Variants in HTR4 observed in about 807,000 individuals in gnomAD.
HTR4 encodes the protein 5-hydroxytryptamine receptor 4.
Under a neutral mutation model 36.8 loss-of-function variants are expected in HTR4, and 16 were observed. That is an observed-to-expected ratio of 0.43 (90% CI 0.29 to 0.66). HTR4 has a LOEUF of 0.66. Ranked by LOEUF, HTR4 falls within the 30% of genes least tolerant of loss-of-function variation. The pLI is 0.13. For missense variants in HTR4, 438 were observed against 490.9 expected (o/e 0.89, Z 1.02); for synonymous variants, 189 against 185.1 (o/e 1.02, Z -0.17).
At chr5:148,451,170 G>A (rs201244212) in exon 6 of HTR4, 7 of 1,613,634 alleles carry the variant, frequency 4.3e-6, no homozygotes, top group South Asian at 2.2e-5. Flanking sequence ...GCTAAGTTGT[G>A]AGCCATGTCC....
At chr5:148,596,262 T>C (rs1761767240) in intron 2 of HTR4, among the ~76,000 whole-genome samples, 2 of 152,236 alleles carry the variant, frequency 1.3e-5, no homozygotes, top group East Asian at 3.8e-4. Flanking sequence ...CCAGGAAATC[T>C]ATTTTTACAA....
downstream of HTR4, among the ~76,000 whole-genome samples, chr5:148,474,672 A>C (rs944107057): frequency 2.6e-5 from 4 of 152,164 alleles, no homozygotes; most frequent in Non-Finnish European, 5.9e-5. Flanking sequence ...GTCTCTTTAA[A>C]GTTTGGTGGC....
At chr5:148,624,953 C>T (rs1002129876) in intron 2 of HTR4, among the ~76,000 whole-genome samples, 2 of 152,302 alleles carry the variant, frequency 1.3e-5, no homozygotes, top group East Asian at 3.9e-4. Flanking sequence ...TGTTAAACCA[C>T]TAATTACAAA....
chr5:148,550,021 T>A, intron 3 of HTR4, 116 bp downstream of exon 3: 1 of 1,045,080 alleles, frequency 9.6e-7, no homozygotes, highest in Non-Finnish European at 1.4e-6. Flanking sequence ...AAAATGTTGT[T>A]CCCATGAATG....
intron 2 of HTR4, among the ~76,000 whole-genome samples, chr5:148,620,412 C>T (rs1204081373): frequency 6.6e-6 from 1 of 152,148 alleles, no homozygotes; most frequent in Non-Finnish European, 1.5e-5. Flanking sequence ...AATTTGCTGA[C>T]CTTGGAATGT....
intron 2 of HTR4, among the ~76,000 whole-genome samples, chr5:148,590,572 G>A (rs553124756): frequency 6.6e-6 from 1 of 150,832 alleles, no homozygotes; most frequent in South Asian, 2.1e-4. Flanking sequence ...AAATTTTTGG[G>A]GTATATCACT....
downstream of HTR4, among the ~76,000 whole-genome samples, chr5:148,471,835 G>T (rs1009197487): frequency 1.3e-5 from 2 of 152,186 alleles, no homozygotes; most frequent in Non-Finnish European, 2.9e-5. Flanking sequence ...AAAGATCATG[G>T]ATTTCATCAG....
Position 148,509,591 on chromosome 5 carries a change from A to G in HTR4, c.941T>C (p.Phe314Ser). ...NSGLNPFLYA[F>S]LNKSFRRAFL... ...GGCACGTCTAAAAGACTTATTCAAGAAGGCGTAGAGAAAAGGGTTCAACCC... is the reference window on the plus strand; with the variant it reads ...GGCACGTCTAAAAGACTTATTCAAGGAGGCGTAGAGAAAAGGGTTCAACCC... The change falls in exon 6 of 7, where the codon TTC becomes TCC. Residue 314 changes from phenylalanine (F) to serine (S), a missense_variant. Physicochemically the swap from Phe to Ser is radical, Grantham distance 155. Coordinates refer to ENST00000377888, the MANE Select transcript of HTR4 (RefSeq NM_000870.7). The G allele has an allele frequency of 6.2e-7, 1 of 1,614,090 alleles. No homozygotes were observed. The highest frequency in any genetic ancestry group is 2.2e-5 in the East Asian group (1 of 44,854).
chr5:148,595,034 C>T (rs1025914062), intron 2 of HTR4, among the ~76,000 whole-genome samples: 2 of 151,366 alleles, frequency 1.3e-5, no homozygotes, highest in Admixed American at 6.6e-5. Context: ...CTTCAGAAAT[C>T]TCTGCTGGAA....
At chr5:148,576,128 A>AAAAAAAAAAC (rs1561629268) in intron 2 of HTR4, among the ~76,000 whole-genome samples, 2 of 144,572 alleles carry the variant, frequency 1.4e-5, no homozygotes, top group African/African-American at 5.2e-5. Flanking sequence ...AAAAAAAAAA[A>AAAAAAAAAAC]AAAAACAAAA....
At chr5:148,451,108 C>T (rs1754963157) in exon 6 of HTR4, 3 of 1,601,344 alleles carry the variant, frequency 1.9e-6, no homozygotes, top group African/African-American at 2.7e-5. Flanking sequence ...TGATGAGGTT[C>T]AGAAGTGATG....
chr5:148,458,117 C>A lies in HTR4; in HGVS notation c.1077-6845G>T, dbSNP rs1490763388. Among the ~76,000 whole-genome samples the A allele has an allele frequency of 1.4e-3, 70 of 49,738 alleles. 1 individual carries two copies. Among genetic ancestry groups the A allele is most frequent in the Admixed American group, 4.9e-3 (27 of 5,516 alleles). The allele number at this position is 49,738 out of a possible 152,430, so 32.6% of individuals were successfully genotyped here. ...ATATTTTAATATCTATTAAATAGAT[C>A]TTAAAATATAATATATTTTAATATC... On this transcript the variant is annotated intron_variant, in intron 5 of 5. Transcript: ENST00000521530.
At chr5:148,492,635 TTGAG>T (rs1384605080) in intron 6 of HTR4, among the ~76,000 whole-genome samples, 1 of 152,244 alleles carries the variant, frequency 6.6e-6, no homozygotes, top group African/African-American at 2.4e-5. Context: ...TTTCCATTGA[TTGAG>T]TGCTTTCTGT....
At chr5:148,554,396 G>A (rs1176308703) in intron 2 of HTR4, among the ~76,000 whole-genome samples, 2 of 152,132 alleles carry the variant, frequency 1.3e-5, no homozygotes, top group Non-Finnish European at 2.9e-5. Context: ...TTTGATACAT[G>A]CTACCACATG....
chr5:148,451,352 C>G, intron 5 of HTR4: 1 of 1,600,908 alleles, frequency 6.2e-7, no homozygotes, highest in Non-Finnish European at 8.5e-7. Context: ...TCCTTCTACT[C>G]TTGACTTCCT....
intron 5 of HTR4, among the ~76,000 whole-genome samples, chr5:148,468,151 G>A (rs1170633420): frequency 6.6e-6 from 1 of 152,208 alleles, no homozygotes; most frequent in Non-Finnish European, 1.5e-5. Flanking sequence ...ATGGTGATGT[G>A]ACAGGCCAGG....
intron 5 of HTR4, among the ~76,000 whole-genome samples, chr5:148,511,198 G>T (rs114092333): frequency 6.6e-6 from 1 of 151,924 alleles, no homozygotes; most frequent in Admixed American, 6.6e-5. Flanking sequence ...ACCAAAATAC[G>T]TATAAAGTAC....
intron 5 of HTR4, among the ~76,000 whole-genome samples, chr5:148,519,837 T>G (rs1355986039): frequency 6.6e-6 from 1 of 152,220 alleles, no homozygotes. Flanking sequence ...TGGTTTAAAA[T>G]GGACCCTAAG....
chr5:148,481,400 C>G, downstream of HTR4: 1 of 658,718 alleles, frequency 1.5e-6, no homozygotes, highest in Non-Finnish European at 2.6e-6. Context: ...GAATCCCAGT[C>G]TACACAAAGA....
Sources: gnomAD v4.1 joint callset for allele counts (sites outside exome capture counted in the v4.1 genomes callset) on GRCh38, gnomAD v4.1.1 for gene constraint, MANE v1.5 for transcripts, NCBI Gene and HGNC (gene_info 2026-07-23, HGNC 2026-07-21) for gene names.